The following SLIT3 variants were observed in gnomAD, a reference collection of about 807,000 sequenced individuals.
The protein encoded by SLIT3 is slit homolog 3 protein.
Under a neutral mutation model 184.0 loss-of-function variants are expected in SLIT3, and 68 were observed. That is an observed-to-expected ratio of 0.37 (90% CI 0.30 to 0.45). The LOEUF (loss-of-function observed/expected upper bound fraction) is 0.45, where lower values mean the gene tolerates loss of function less well. Ranked by LOEUF, SLIT3 falls within the 20% of genes least tolerant of loss-of-function variation. SLIT3 has a pLI of 1.00. For missense variants in SLIT3, 1,707 were observed against 2,026.0 expected (o/e 0.84, Z 3.02); for synonymous variants, 831 against 828.6 (o/e 1.00, Z -0.05).
intron 14 of SLIT3, chr5:168,768,036 G>C (rs1755403147): frequency 2.8e-6 from 1 of 358,134 alleles, no homozygotes; most frequent in Admixed American, 3.5e-5. Flanking sequence ...CTACCCTCCT[G>C]CCTTTGGTGA....
chr5:169,216,285 A>T (rs879326428), intron 3 of SLIT3, among the ~76,000 whole-genome samples: 1 of 152,124 alleles, frequency 6.6e-6, no homozygotes, highest in Non-Finnish European at 1.5e-5. Flanking sequence ...TCCAGGTCTG[A>T]CACTGCTTTC....
At chr5:168,832,275 C>A (rs1757905361) in intron 6 of SLIT3, among the ~76,000 whole-genome samples, 2 of 152,120 alleles carry the variant, frequency 1.3e-5, no homozygotes, top group South Asian at 4.1e-4. Context: ...GGTGAGTTTG[C>A]AGTTGAAAAG....
chr5:169,076,515 C>G (rs1758748441), intron 4 of SLIT3, among the ~76,000 whole-genome samples: 1 of 152,214 alleles, frequency 6.6e-6, no homozygotes, highest in East Asian at 1.9e-4. Context: ...CTCCCTACCT[C>G]TCTCTCTCTA....
intron 4 of SLIT3, among the ~76,000 whole-genome samples, chr5:168,960,938 C>A (rs1365934493): frequency 2.0e-5 from 3 of 152,332 alleles, no homozygotes; most frequent in Admixed American, 2.0e-4. Flanking sequence ...AGGCTTTTGG[C>A]AAGAGCCTGT....
intron 4 of SLIT3, among the ~76,000 whole-genome samples, chr5:168,984,669 C>T (rs969093741): frequency 2.6e-5 from 4 of 152,094 alleles, no homozygotes; most frequent in Non-Finnish European, 5.9e-5. Flanking sequence ...AGGAGAAGGG[C>T]CCCTTTTACA....
chr5:169,200,318 G>T (rs1302733757), intron 3 of SLIT3, among the ~76,000 whole-genome samples: 1 of 152,236 alleles, frequency 6.6e-6, no homozygotes, highest in Non-Finnish European at 1.5e-5. Context: ...CACCAGGACT[G>T]CTTGCTTTAG....
intron 3 of SLIT3, among the ~76,000 whole-genome samples, chr5:169,194,377 C>T (rs917412855): frequency 5.3e-5 from 8 of 151,896 alleles, no homozygotes; most frequent in Non-Finnish European, 4.4e-5. Context: ...TGGCAGATCA[C>T]CTTGGACTGA....
chr5:169,095,820 T>C (rs915037407), intron 4 of SLIT3, among the ~76,000 whole-genome samples: 3 of 152,220 alleles, frequency 2.0e-5, no homozygotes, highest in African/African-American at 7.2e-5. Flanking sequence ...CACAGAAGTC[T>C]AGCAGAATTA....
chr5:169,178,535 G>A (rs1763051420), intron 4 of SLIT3, among the ~76,000 whole-genome samples: 3 of 152,312 alleles, frequency 2.0e-5, no homozygotes, highest in Admixed American at 2.0e-4. Context: ...GCTGCTTTGG[G>A]AGGAGCCAGA....
intron 4 of SLIT3, among the ~76,000 whole-genome samples, chr5:169,107,962 C>G (rs1760279510): frequency 6.6e-6 from 1 of 152,196 alleles, no homozygotes; most frequent in Non-Finnish European, 1.5e-5. Context: ...TATCACCAAG[C>G]AGGATGTTCT....
At chr5:168,874,130 C>T (rs868813524) in intron 5 of SLIT3, among the ~76,000 whole-genome samples, 2 of 151,744 alleles carry the variant, frequency 1.3e-5, no homozygotes, top group Non-Finnish European at 2.9e-5. Flanking sequence ...GCTTGCTGTA[C>T]ATTTAGTGCT....
At chr5:168,823,464 G>T in intron 6 of SLIT3, 133 bp from the exon 7 acceptor site, 1 of 756,314 alleles carries the variant, frequency 1.3e-6, no homozygotes. Context: ...AGCCAGTGGA[G>T]CAGCTGAAGA....
intron 4 of SLIT3, among the ~76,000 whole-genome samples, chr5:168,914,135 CAT>C (rs1284193275): frequency 6.6e-6 from 1 of 152,200 alleles, no homozygotes; most frequent in Non-Finnish European, 1.5e-5. Flanking sequence ...TCAAGGTACA[CAT>C]GTCTTGGAAT....
Position 168,760,852 on chromosome 5 carries a change from G to A in SLIT3, c.1685+10C>T. The A allele has an allele frequency of 6.2e-7, 1 of 1,607,868 alleles. No individual in the cohort carries two copies. The highest frequency in any genetic ancestry group is 8.5e-7 in the Non-Finnish European group (1 of 1,174,364). The stretch of plus-strand genomic sequence containing the variant: ...CAGAGGCTGCTGCCAAGTTCCTGAA[G>A]TTGACTTACATTTTCCGCAGGTTGG... On this transcript the variant is annotated intron_variant, in intron 16 of 35. Transcript: ENST00000519560.
At chr5:168,756,569 A>C (rs1754955333) in intron 16 of SLIT3, among the ~76,000 whole-genome samples, 1 of 152,094 alleles carries the variant, frequency 6.6e-6, no homozygotes, top group Admixed American at 6.5e-5. Flanking sequence ...CGCAGACTGG[A>C]TTTCCACTCC....
intron 4 of SLIT3, among the ~76,000 whole-genome samples, chr5:168,976,667 C>T (rs1257395565): frequency 6.6e-6 from 1 of 152,090 alleles, no homozygotes; most frequent in Non-Finnish European, 1.5e-5. Flanking sequence ...TGCATCTATC[C>T]CTGGGGTTGT....
intron 3 of SLIT3, among the ~76,000 whole-genome samples, chr5:169,214,132 T>TC (rs1764359648): frequency 6.6e-6 from 1 of 152,314 alleles, no homozygotes; most frequent in South Asian, 2.1e-4. Flanking sequence ...AACACCTCCT[T>TC]CCCAAGGGAG....
chr5:169,234,332 C>T (rs899219171), intron 3 of SLIT3, among the ~76,000 whole-genome samples: 2 of 152,204 alleles, frequency 1.3e-5, no homozygotes, highest in South Asian at 2.1e-4. Flanking sequence ...TCCGCACCAA[C>T]TTCTAGGATT....
At chr5:169,251,536 TG>T (rs767516049) in intron 1 of SLIT3, 77 bp from the exon 2 acceptor site, 64 of 962,808 alleles carry the variant, frequency 6.6e-5, no homozygotes, top group Non-Finnish European at 9.7e-5. Context: ...TGGCTTGGAC[TG>T]AAGGGATGTT....
Sources: allele counts gnomAD v4.1 joint callset (sites outside exome capture counted in the v4.1 genomes callset), GRCh38; gene constraint gnomAD v4.1.1; transcripts MANE v1.5; gene names NCBI Gene and HGNC (gene_info 2026-07-23, HGNC 2026-07-21).